The following GNB4 variants were observed in gnomAD, a reference collection of about 807,000 sequenced individuals.
The protein encoded by GNB4 is G protein subunit beta 4.
A neutral mutation model predicts 45.2 loss-of-function variants in GNB4; 28 were observed. The observed-to-expected ratio is 0.62, with a 90% CI of 0.46 to 0.85. The LOEUF is 0.85. GNB4 is among the 40% of genes least tolerant of loss of function. The probability of loss-of-function intolerance (pLI) is 0.00; values close to 1 mark genes in which losing one functional copy is unlikely to be tolerated. For missense variants in GNB4, 321 were observed against 425.4 expected, an observed-to-expected ratio of 0.75 and a Z score of 2.16; for synonymous variants, 132 against 143.7, an observed-to-expected ratio of 0.92 and a Z score of 0.58.
chr3:179,416,370 T>A, intron 5 of GNB4, 123 bp downstream of exon 5: 1 of 629,888 alleles, frequency 1.6e-6, no homozygotes. Flanking sequence ...AGAACTAGAT[T>A]AAAATAAACA....
chr3:179,516,804 GAGA>G, the GNB4 span, among the ~76,000 whole-genome samples: 2 of 152,146 alleles, frequency 1.3e-5, no homozygotes, highest in African/African-American at 4.8e-5. Flanking sequence ...AGTGACCGAT[GAGA>G]AGGAGAAAAA....
intron 1 of GNB4, among the ~76,000 whole-genome samples, chr3:179,431,015 A>G (rs916300770): frequency 6.6e-6 from 1 of 152,190 alleles, no homozygotes. Context: ...AAATACTTCA[A>G]TATCTACCAA....
chr3:179,424,632 G>T (rs1306432754), intron 2 of GNB4, among the ~76,000 whole-genome samples: 6 of 152,038 alleles, frequency 3.9e-5, no homozygotes. Flanking sequence ...TGGAGACAGG[G>T]TCTTGCTCTT....
chr3:179,490,996 G>A, the GNB4 span, among the ~76,000 whole-genome samples: 2 of 152,160 alleles, frequency 1.3e-5, no homozygotes, highest in African/African-American at 4.8e-5. Flanking sequence ...CAACTCGTAT[G>A]AAAAAAGACG....
intron 4 of GNB4, 31 bp downstream of exon 4, chr3:179,419,368 T>A: frequency 8.0e-7 from 1 of 1,244,280 alleles, no homozygotes; most frequent in South Asian, 1.2e-5. Context: ...CTGCAACAGT[T>A]TAAAAATGAC....
the GNB4 span, among the ~76,000 whole-genome samples, chr3:179,456,922 C>A: frequency 6.6e-6 from 1 of 152,128 alleles, no homozygotes; most frequent in South Asian, 2.1e-4. Flanking sequence ...GTTGGTTTAT[C>A]CATTTGGCAA....
At chr3:179,465,898 T>C in the GNB4 span, among the ~76,000 whole-genome samples, 3 of 149,142 alleles carry the variant, frequency 2.0e-5, no homozygotes, top group East Asian at 5.9e-4. Context: ...CCTCTAGCAA[T>C]CAATCCTCTT....
the GNB4 span, among the ~76,000 whole-genome samples, chr3:179,511,864 T>A: frequency 6.6e-6 from 1 of 152,002 alleles, no homozygotes; most frequent in South Asian, 2.1e-4. Context: ...TCCAGTAGAA[T>A]TTTTCATGAA....
At chr3:179,524,603 T>G in the GNB4 span, among the ~76,000 whole-genome samples, 1 of 152,170 alleles carries the variant, frequency 6.6e-6, no homozygotes, top group Non-Finnish European at 1.5e-5. Context: ...TTTTGAGCTT[T>G]TTTTAAATGT....
intron 4 of GNB4, among the ~76,000 whole-genome samples, chr3:179,418,846 G>A (rs879511423): frequency 6.6e-6 from 1 of 152,262 alleles, no homozygotes; most frequent in Non-Finnish European, 1.5e-5. Context: ...ACAGTGATGA[G>A]CAATCTATCT....
the GNB4 span, among the ~76,000 whole-genome samples, chr3:179,509,281 G>A: frequency 2.6e-5 from 4 of 151,928 alleles, no homozygotes; most frequent in Non-Finnish European, 4.4e-5. Flanking sequence ...CTTAGGTGGT[G>A]GAGATCTGGA....
chr3:179,432,010 C>T (rs532087056), intron 1 of GNB4, among the ~76,000 whole-genome samples: 59 of 152,318 alleles, frequency 3.9e-4, no homozygotes, highest in African/African-American at 1.3e-3. Flanking sequence ...CCACATTGCA[C>T]CATCACTTAC....
chr3:179,458,508 C>G, the GNB4 span, among the ~76,000 whole-genome samples: 2 of 152,204 alleles, frequency 1.3e-5, no homozygotes, highest in Non-Finnish European at 2.9e-5. Context: ...CTATTATTAA[C>G]TATTAGGGCT....
the GNB4 span, among the ~76,000 whole-genome samples, chr3:179,510,932 G>C: frequency 6.6e-6 from 1 of 152,168 alleles, no homozygotes; most frequent in Non-Finnish European, 1.5e-5. Context: ...CCTGAAGTTT[G>C]GCGAATTTTG....
intron 2 of GNB4, among the ~76,000 whole-genome samples, chr3:179,425,382 T>TG (rs1413161149): frequency 6.6e-6 from 1 of 152,244 alleles, no homozygotes; most frequent in Non-Finnish European, 1.5e-5. Context: ...TTGTTAAAGA[T>TG]GGAGTTTGTA....
At chr3:179,459,540 G>C in the GNB4 span, among the ~76,000 whole-genome samples, 2 of 152,042 alleles carry the variant, frequency 1.3e-5, no homozygotes, top group African/African-American at 4.8e-5. Flanking sequence ...AAATTAGCCG[G>C]GCTTGGTGAT....
At chr3:179,493,585 T>G in the GNB4 span, among the ~76,000 whole-genome samples, 1 of 151,086 alleles carries the variant, frequency 6.6e-6, no homozygotes, top group African/African-American at 2.4e-5. Context: ...GGGACTCCAT[T>G]AAGCAAAATA....
the GNB4 span, among the ~76,000 whole-genome samples, chr3:179,489,007 AAAAAAAAAAAAAATATAT>A: frequency 2.2e-3 from 81 of 37,246 alleles, 3 homozygotes; most frequent in African/African-American, 9.4e-3. Flanking sequence ...AAAAAAAAAA[AAAAAAAAAAAAAATATAT>A]ATATATATAT....
chr3:179,486,015 T>G, the GNB4 span, among the ~76,000 whole-genome samples: 6 of 151,628 alleles, frequency 4.0e-5, no homozygotes, highest in Admixed American at 1.3e-4. Context: ...ACGAGGTCAG[T>G]AGTTCAAGAC....
Sources: gnomAD v4.1 joint callset for allele counts (sites outside exome capture counted in the v4.1 genomes callset) on GRCh38, gnomAD v4.1.1 for gene constraint, MANE v1.5 for transcripts, NCBI Gene and HGNC (gene_info 2026-07-23, HGNC 2026-07-21) for gene names.